KIAA1671: variants seen among roughly 807,000 people sequenced by gnomAD.
The protein encoded by KIAA1671 is KIAA1671, also known as uncharacterized protein KIAA1671.
In KIAA1671, 52 loss-of-function variants were observed where a neutral mutation model predicts 131.2. That is an observed-to-expected ratio of 0.40 (90% CI 0.32 to 0.50). The LOEUF is 0.50. KIAA1671 is among the 20% of genes least tolerant of loss of function. The pLI is 0.73. For missense variants in KIAA1671, 2,360 were observed against 2,364.2 expected (o/e 1.00, Z 0.04); for synonymous variants, 1,003 against 961.6 (o/e 1.04, Z -0.80).
intron 6 of KIAA1671, among the ~76,000 whole-genome samples, chr22:25,067,534 G>A (rs902146983): frequency 3.3e-5 from 5 of 151,404 alleles, no homozygotes; most frequent in Non-Finnish European, 7.4e-5. Flanking sequence ...TTCACCCTCT[G>A]TGTTCCCTGT....
intron 11 of KIAA1671, chr22:25,186,007 A>G (rs1203173294): frequency 2.0e-5 from 3 of 152,268 alleles, no homozygotes; most frequent in Non-Finnish European, 4.4e-5. Flanking sequence ...GATCAGAGCA[A>G]GAGTGGGTAA....
At chr22:25,092,332 G>C (rs1030062793) in intron 6 of KIAA1671, among the ~76,000 whole-genome samples, 1 of 152,206 alleles carries the variant, frequency 6.6e-6, no homozygotes, top group Non-Finnish European at 1.5e-5. Context: ...GGAACAGCAC[G>C]TGCAAAGGCC....
intron 6 of KIAA1671, among the ~76,000 whole-genome samples, chr22:25,093,976 C>T (rs1256635155): frequency 6.6e-6 from 1 of 151,674 alleles, no homozygotes; most frequent in Non-Finnish European, 1.5e-5. Flanking sequence ...CAGGACTTCT[C>T]ACTTTGGGTT....
intron 6 of KIAA1671, among the ~76,000 whole-genome samples, chr22:25,138,326 A>G (rs1291416130): frequency 1.3e-5 from 2 of 152,176 alleles, no homozygotes; most frequent in Non-Finnish European, 2.9e-5. Flanking sequence ...AATGAGTGAC[A>G]GCACTTTTTG....
intron 6 of KIAA1671, among the ~76,000 whole-genome samples, chr22:25,099,523 C>G (rs1270298229): frequency 8.7e-6 from 1 of 114,676 alleles, no homozygotes; most frequent in African/African-American, 3.5e-5. Flanking sequence ...ATAAGTTTGT[C>G]TTTCAAAATG....
At chr22:25,181,936 G>C (rs375601578) in intron 10 of KIAA1671, 113 bp downstream of exon 10, 6 of 1,226,330 alleles carry the variant, frequency 4.9e-6, no homozygotes, top group East Asian at 2.7e-5. Context: ...CCAGCACTTT[G>C]GGAGGCCGAG....
In KIAA1671 at chr22:25,026,730, C is replaced by CA. The variant is rs1226313518; in HGVS notation, c.-56+959dup. 3.2e-3 allele frequency among the ~76,000 whole-genome samples: 429 copies of CA among 132,548 alleles called. 2 individuals carry two copies. Among genetic ancestry groups the CA allele is most frequent in the Middle Eastern group, 0.011 (3 of 276 alleles). The allele number at this position is 132,548 out of a possible 152,430, so 87.0% of individuals were successfully genotyped here. On this transcript the variant is annotated intron_variant, in intron 2 of 12. Coordinates refer to ENST00000358431, the MANE Select transcript of KIAA1671 (RefSeq NM_001145206.2). ...GGGCAGCAAGAGTGAAACTTGGTCT[C>CA]AAAAAAAAAAAAAGACAGAGCTAAG...
At chr22:25,093,772 C>CTCTCTCTT (rs1930208182) in intron 6 of KIAA1671, among the ~76,000 whole-genome samples, 1 of 103,920 alleles carries the variant, frequency 9.6e-6, no homozygotes, top group African/African-American at 3.7e-5. Context: ...CTCTCTGTCT[C>CTCTCTCTT]TCTCTCTCTC....
At chr22:25,155,516 G>A (rs922169212) in intron 6 of KIAA1671, among the ~76,000 whole-genome samples, 10 of 151,842 alleles carry the variant, frequency 6.6e-5, no homozygotes, top group African/African-American at 2.2e-4. Flanking sequence ...GTATTTATAT[G>A]TGTTTTTGTG....
At chr22:25,030,983 C>T (rs11705489) in intron 3 of KIAA1671, among the ~76,000 whole-genome samples, 22,406 of 152,148 alleles carry the variant, frequency 0.15, 1,755 homozygotes, top group African/African-American at 0.19. Context: ...CTAGAGATTC[C>T]GATTCACTTG....
intron 6 of KIAA1671, among the ~76,000 whole-genome samples, chr22:25,068,244 G>T (rs571278109): frequency 6.7e-5 from 10 of 149,762 alleles, no homozygotes; most frequent in African/African-American, 2.4e-4. Context: ...TGACTGTGCT[G>T]CCAGTCCCTG....
chr22:25,030,800 G>A (rs1926244593), intron 3 of KIAA1671, among the ~76,000 whole-genome samples: 1 of 152,178 alleles, frequency 6.6e-6, no homozygotes, highest in Non-Finnish European at 1.5e-5. Context: ...GCTCTTAATG[G>A]CATGCATGCC....
At chr22:24,983,205 A>T (rs892610188) in intron 1 of KIAA1671, among the ~76,000 whole-genome samples, 2 of 152,050 alleles carry the variant, frequency 1.3e-5, no homozygotes, top group African/African-American at 4.8e-5. Context: ...CACCTTAACA[A>T]ATTATCACAA....
chr22:24,982,010 T>C (rs896151041), intron 1 of KIAA1671, among the ~76,000 whole-genome samples: 15 of 152,230 alleles, frequency 9.9e-5, no homozygotes, highest in Admixed American at 2.6e-4. Flanking sequence ...GAGACATGTG[T>C]ATATGTGTAC....
In KIAA1671 at chr22:25,040,936, AT is replaced by A. The variant is rs1696652211; in HGVS notation, c.3807del (p.His1270ThrfsTer7). 1 of 1,486,190 alleles carries A rather than the reference AT, an allele frequency of 6.7e-7. No individual in the cohort carries two copies. The highest frequency in any genetic ancestry group is 2.5e-5 in the Admixed American group (1 of 40,240). 92.1% of individuals were successfully genotyped at this position (1,486,190 alleles called of 1,614,324 possible). Reference protein sequence around the residue: ...LWKPASSAEINHSFTPGLGKQ... With the variant: ...LWKPASSAEIXHSFTPGLGKQ... ...AAACCGGCCAGTTCTGCCGAAATAA[AT>A]CACAGTTTCACTCCTGGCTTAGGCA... On this transcript the variant is annotated frameshift_variant, in exon 5 of 13. Transcript: ENST00000358431. LOFTEE classifies it high-confidence loss of function.
chr22:25,074,514 A>AAAAAAAAAAAAAAAAAAAG (rs59411918), intron 6 of KIAA1671, among the ~76,000 whole-genome samples: 1 of 117,426 alleles, frequency 8.5e-6, no homozygotes. Flanking sequence ...AAAAAAAAAA[A>AAAAAAAAAAAAAAAAAAAG]AAAGAAAGAA....
intron 6 of KIAA1671, among the ~76,000 whole-genome samples, chr22:25,090,854 A>G (rs910921449): frequency 6.6e-6 from 1 of 152,156 alleles, no homozygotes; most frequent in African/African-American, 2.4e-5. Flanking sequence ...TCTCTCCACT[A>G]TTCCTTATTG....
At chr22:25,101,456 C>A (rs1179378565) in intron 6 of KIAA1671, among the ~76,000 whole-genome samples, 1 of 152,152 alleles carries the variant, frequency 6.6e-6, no homozygotes, top group Non-Finnish European at 1.5e-5. Flanking sequence ...GAGTTTCTGT[C>A]TGTTTCTAGA....
chr22:25,139,877 C>T lies in KIAA1671; in HGVS notation c.4531-30943C>T, dbSNP rs555390301. 1.2e-3 allele frequency among the ~76,000 whole-genome samples: 186 copies of T among 152,212 alleles called. 3 individuals carry two copies. The South Asian group carries it at 0.031, about 25-fold the overall frequency. ...AACAGCAAGTGTGAAGGCCTAAGGACGGAGTGTGCTGTTCTTGGCTTACTT... is the reference window on the plus strand; with the variant it reads ...AACAGCAAGTGTGAAGGCCTAAGGATGGAGTGTGCTGTTCTTGGCTTACTT... On this transcript the variant is annotated intron_variant, in intron 6 of 12. Transcript: ENST00000358431.
Sources: allele counts gnomAD v4.1 joint callset (sites outside exome capture counted in the v4.1 genomes callset), GRCh38; gene constraint gnomAD v4.1.1; transcripts MANE v1.5; gene names NCBI Gene and HGNC (gene_info 2026-07-23, HGNC 2026-07-21).